Variants in KIF26B observed in about 807,000 individuals in gnomAD.
The protein encoded by KIF26B is kinesin family member 26B, also known as kinesin-like protein KIF26B.
A neutral mutation model predicts 151.2 loss-of-function variants in KIF26B; 63 were observed. That is an observed-to-expected ratio of 0.42 (90% CI 0.34 to 0.51). The LOEUF is 0.51. KIF26B is among the 20% of genes least tolerant of loss of function. KIF26B has a pLI of 0.07. For synonymous variants in KIF26B, 1,357 were observed against 1,262.1 expected (o/e 1.08, Z -1.59); for missense variants, 2,813 against 2,913.6 (o/e 0.97, Z 0.79).
At chr1:245,600,888 G>A (rs2103144597) in intron 5 of KIF26B, among the ~76,000 whole-genome samples, 1 of 152,260 alleles carries the variant, frequency 6.6e-6, no homozygotes, top group Non-Finnish European at 1.5e-5. Flanking sequence ...GTTTGTGGGA[G>A]GCAGCAGCTG....
At chr1:245,190,451 A>C (rs746061403) in intron 2 of KIF26B, among the ~76,000 whole-genome samples, 1 of 152,070 alleles carries the variant, frequency 6.6e-6, no homozygotes, top group African/African-American at 2.4e-5. Flanking sequence ...GCAGCCTCAC[A>C]GGTGCCCATT....
rs2044866067 is a variant in KIF26B at position 245,708,232 on chromosome 1, T to A, written c.*5626T>A. On this transcript the variant is annotated 3_prime_UTR_variant, in exon 15 of 15. Transcript: ENST00000407071. Reference sequence around the variant, plus strand: ...GAACAGCTGCCCTTCTGGGAGAGCATCAAGAGAAAGTGGTATAAGTGATGG... The same window carrying A: ...GAACAGCTGCCCTTCTGGGAGAGCAACAAGAGAAAGTGGTATAAGTGATGG... 6.6e-6 allele frequency: 1 copy of A among 152,158 alleles called. No homozygotes were observed. The highest frequency in any genetic ancestry group is 1.5e-5 in the Non-Finnish European group (1 of 68,058). 9.4% of individuals were successfully genotyped at this position (152,158 alleles called of 1,614,324 possible). A position where few individuals can be genotyped will look rare whatever the true frequency, so the allele number is the denominator to read the frequency against.
chr1:245,656,969 C>T (rs891830251), intron 10 of KIF26B, among the ~76,000 whole-genome samples: 4 of 152,170 alleles, frequency 2.6e-5, no homozygotes, highest in Non-Finnish European at 5.9e-5. Context: ...AGCTGAATTT[C>T]ATTTTGATAT....
intron 4 of KIF26B, among the ~76,000 whole-genome samples, chr1:245,504,399 C>G (rs988092897): frequency 6.2e-5 from 9 of 145,016 alleles, no homozygotes; most frequent in South Asian, 4.8e-4. Context: ...TCCCTCCTTC[C>G]CTCCCTCCCT....
intron 2 of KIF26B, among the ~76,000 whole-genome samples, chr1:245,325,059 C>T (rs1299112230): frequency 1.4e-5 from 2 of 146,852 alleles, no homozygotes; most frequent in African/African-American, 5.1e-5. Flanking sequence ...CACGCCACTG[C>T]ACTCCAGCCT....
intron 3 of KIF26B, among the ~76,000 whole-genome samples, chr1:245,400,697 T>A (rs1673978067): frequency 6.6e-6 from 1 of 152,162 alleles, no homozygotes; most frequent in Admixed American, 6.5e-5. Flanking sequence ...ATTAGTAGAC[T>A]TTTTTATATT....
chr1:245,511,584 TTTTGTTTGTTTG>T (rs202131944), intron 4 of KIF26B, among the ~76,000 whole-genome samples: 9 of 152,060 alleles, frequency 5.9e-5, no homozygotes, highest in Admixed American at 1.3e-4. Context: ...ATGTGAGGGT[TTTTGTTTGTTTG>T]TTTGTTTGTT....
intron 2 of KIF26B, among the ~76,000 whole-genome samples, chr1:245,236,789 GC>G (rs1670118369): frequency 6.6e-6 from 1 of 152,210 alleles, no homozygotes; most frequent in Admixed American, 6.5e-5. Context: ...GTGGCCGTGA[GC>G]CCCGTGGGGG....
chr1:245,596,293 T>C (rs139205998), intron 5 of KIF26B, among the ~76,000 whole-genome samples: 205 of 152,362 alleles, frequency 1.3e-3, no homozygotes, highest in Non-Finnish European at 4.3e-4. Flanking sequence ...CCTGTGGACA[T>C]TGAGTGCTAT....
intron 2 of KIF26B, among the ~76,000 whole-genome samples, chr1:245,332,395 A>G (rs1214038906): frequency 6.6e-6 from 1 of 152,206 alleles, no homozygotes; most frequent in Admixed American, 6.5e-5. Context: ...CTCACAATTC[A>G]TCAGTGTTCG....
At chr1:245,285,409 A>G (rs1289229707) in intron 2 of KIF26B, among the ~76,000 whole-genome samples, 1 of 152,228 alleles carries the variant, frequency 6.6e-6, no homozygotes, top group Non-Finnish European at 1.5e-5. Context: ...CGGCAAAGTC[A>G]CATGGCAGAA....
At chr1:245,471,803 T>G (rs1047482829) in intron 4 of KIF26B, among the ~76,000 whole-genome samples, 13 of 152,092 alleles carry the variant, frequency 8.5e-5, no homozygotes, top group African/African-American at 2.9e-4. Flanking sequence ...ACTTTTTTTT[T>G]TTTTTGAAAT....
rs1394436684 is a variant in KIF26B at position 245,572,975 on chromosome 1, A to C, written c.1351-29602A>C. Among the ~76,000 whole-genome samples the C allele has an allele frequency of 6.6e-6, 1 of 152,194 alleles. No homozygotes were observed. The highest frequency in any genetic ancestry group is 2.4e-5 in the African/African-American group (1 of 41,456). On this transcript the variant is annotated intron_variant, in intron 5 of 14. Coordinates refer to ENST00000407071, the MANE Select transcript of KIF26B (RefSeq NM_018012.4). The surrounding 1 kb of genome is among the most constrained non-coding windows in gnomAD (Gnocchi z 4.2). Reference sequence around the variant, plus strand: ...AGCGTAAAATTCTTTATAAATACACATATCAATGGAGTTCTTGACATTTTG... The same window carrying C: ...AGCGTAAAATTCTTTATAAATACACCTATCAATGGAGTTCTTGACATTTTG...
chr1:245,426,739 T>C (rs1323262323), intron 4 of KIF26B, among the ~76,000 whole-genome samples: 1 of 152,206 alleles, frequency 6.6e-6, no homozygotes, highest in Non-Finnish European at 1.5e-5. Flanking sequence ...GGCCCTGCCT[T>C]CAGGACCACG....
At chr1:245,192,351 G>A (rs6428901) in intron 2 of KIF26B, among the ~76,000 whole-genome samples, 149,017 of 150,228 alleles carry the variant, frequency 0.99, 73,903 homozygotes, top group Middle Eastern at 1. Context: ...TCACAGGAAA[G>A]AAAAAAAAGG....
At chr1:245,161,961 T>C (rs1668538452) in intron 2 of KIF26B, among the ~76,000 whole-genome samples, 2 of 152,064 alleles carry the variant, frequency 1.3e-5, no homozygotes, top group Non-Finnish European at 2.9e-5. Flanking sequence ...TTGTCTTGGC[T>C]GGAATGCAAG....
intron 3 of KIF26B, among the ~76,000 whole-genome samples, chr1:245,382,560 TTCTTG>T (rs369534861): frequency 0.022 from 3,323 of 151,572 alleles, 118 homozygotes; most frequent in African/African-American, 0.076. Flanking sequence ...TGTGTTTTGT[TTCTTG>T]TTTTGTTTTG....
At chr1:245,404,461 T>C (rs964802314) in intron 3 of KIF26B, among the ~76,000 whole-genome samples, 2 of 152,190 alleles carry the variant, frequency 1.3e-5, no homozygotes, top group African/African-American at 4.8e-5. Context: ...CTGGTTCCGG[T>C]TTATTAGCTC....
intron 2 of KIF26B, among the ~76,000 whole-genome samples, chr1:245,360,370 G>A (rs1369835579): frequency 1.3e-5 from 2 of 152,124 alleles, no homozygotes; most frequent in African/African-American, 4.8e-5. Flanking sequence ...ACAAGTTACT[G>A]TATTAGATAC....
Sources: gnomAD v4.1 joint callset for allele counts (sites outside exome capture counted in the v4.1 genomes callset) on GRCh38, gnomAD v4.1.1 for gene constraint, Gnocchi (gnomAD v3.1) non-coding constraint, MANE v1.5 for transcripts, NCBI Gene and HGNC (gene_info 2026-07-23, HGNC 2026-07-21) for gene names.